Variants in FBLN7 observed in about 807,000 individuals in gnomAD.
FBLN7 encodes the protein fibulin-7.
FBLN7 carries 31 observed loss-of-function variants against 44.0 expected under a neutral mutation model. The observed-to-expected ratio is 0.70, with a 90% confidence interval of 0.53 to 0.95. The LOEUF (loss-of-function observed/expected upper bound fraction) is 0.95, where lower values mean the gene tolerates loss of function less well. Among genes scored for constraint, FBLN7 ranks in the 40% least tolerant of loss-of-function variants. FBLN7 has a pLI of 0.00. For missense variants in FBLN7, 573 were observed against 618.5 expected (o/e 0.93, Z 0.78); for synonymous variants, 262 against 253.4 (o/e 1.03, Z -0.32).
chr2:112,188,753 T>G (rs554273582), downstream of FBLN7: 1 of 152,310 alleles, frequency 6.6e-6, no homozygotes, highest in Non-Finnish European at 1.5e-5. Flanking sequence ...CAAGATGGTT[T>G]CTAAGATGGT....
the FBLN7 span, among the ~76,000 whole-genome samples, chr2:112,236,263 T>C: frequency 6.6e-6 from 1 of 152,036 alleles, no homozygotes; most frequent in Non-Finnish European, 1.5e-5. Context: ...CAAAAAAATA[T>C]ATGTATAACA....
chr2:112,183,615 G>C (rs1332517295), intron 6 of FBLN7, among the ~76,000 whole-genome samples: 1 of 152,164 alleles, frequency 6.6e-6, no homozygotes, highest in Non-Finnish European at 1.5e-5. Flanking sequence ...GCCAACCCCA[G>C]CTAAAAACCA....
chr2:112,143,060 C>T (rs1680731785), intron 1 of FBLN7, among the ~76,000 whole-genome samples: 1 of 152,154 alleles, frequency 6.6e-6, no homozygotes, highest in African/African-American at 2.4e-5. Flanking sequence ...TCTCATCTCT[C>T]TCCTGCTCTC....
chr2:112,212,988 T>TATA, the FBLN7 span: 1 of 115,568 alleles, frequency 8.7e-6, no homozygotes, highest in Non-Finnish European at 1.8e-5. Flanking sequence ...TTTTTTTTTT[T>TATA]ATAAGAGACA....
At chr2:112,197,300 G>GAC in the FBLN7 span, among the ~76,000 whole-genome samples, 19 of 148,818 alleles carry the variant, frequency 1.3e-4, no homozygotes, top group African/African-American at 4.0e-4. Flanking sequence ...GAGAGAGAGA[G>GAC]AGAGAGACAG....
intron 6 of FBLN7, 60 bp from the exon 7 acceptor site, chr2:112,185,141 C>A (rs1304580280): frequency 3.8e-6 from 6 of 1,575,170 alleles, no homozygotes; most frequent in African/African-American, 1.3e-5. Flanking sequence ...TCATGTGGTT[C>A]TGTCTGCAAT....
At chr2:112,224,566 A>C in the FBLN7 span, among the ~76,000 whole-genome samples, 1 of 152,244 alleles carries the variant, frequency 6.6e-6, no homozygotes, top group Admixed American at 6.5e-5. Flanking sequence ...ATGTTCGCTG[A>C]AGCTTTATTT....
chr2:112,187,707 CTT>C lies in FBLN7; in HGVS notation c.*211_*212del, dbSNP rs3215304. 6.1e-4 allele frequency: 299 copies of C among 491,324 alleles called. 1 individual carries two copies. The highest frequency in any genetic ancestry group is 1.3e-3 in the Admixed American group (35 of 26,468). 30.4% of individuals were successfully genotyped at this position (491,324 alleles called of 1,614,324 possible). ...ACAAAACTCAACTGCTGCCATCACTCTTTTTTTTTTTCTGCTTTGAGGCCCTT... is the reference window on the plus strand; with the variant it reads ...ACAAAACTCAACTGCTGCCATCACTCTTTTTTTTTCTGCTTTGAGGCCCTT... On this transcript the variant is annotated 3_prime_UTR_variant, in exon 8 of 8. Transcript: ENST00000331203. The surrounding 1 kb of genome is among the most constrained non-coding windows in gnomAD (Gnocchi z 5.1).
chr2:112,160,804 GCACACACA>G (rs546715298), intron 2 of FBLN7, among the ~76,000 whole-genome samples: 1 of 135,266 alleles, frequency 7.4e-6, no homozygotes, highest in South Asian at 2.4e-4. Context: ...ACACACGCAC[GCACACACA>G]CGCACACACA....
At chr2:112,210,566 G>A in the FBLN7 span, among the ~76,000 whole-genome samples, 5 of 145,388 alleles carry the variant, frequency 3.4e-5, no homozygotes, top group East Asian at 1.1e-3. Context: ...TGAGGCAGGA[G>A]AACTGCTTGA....
chr2:112,240,880 CTTT>C, the FBLN7 span, among the ~76,000 whole-genome samples: 1 of 151,564 alleles, frequency 6.6e-6, no homozygotes, highest in East Asian at 1.9e-4. Context: ...GTCTAAATAA[CTTT>C]TTTTATTCAA....
Position 112,168,652 on chromosome 2 carries a change from AG to A in FBLN7, c.406+3484del, listed in dbSNP as rs377058091. 6.7e-4 allele frequency among the ~76,000 whole-genome samples: 102 copies of A among 152,316 alleles called. 2 individuals carry two copies. In the South Asian group the frequency reaches 0.021, roughly 31 times the overall value. On this transcript the variant is annotated intron_variant, in intron 3 of 7. Coordinates refer to ENST00000331203, the MANE Select transcript of FBLN7 (RefSeq NM_153214.3). ...TTGATGACCAATTGTGACAGTATTAAGGGTGTGGACGGGACACAGGCTGGAA... is the reference window on the plus strand; with the variant it reads ...TTGATGACCAATTGTGACAGTATTAAGGTGTGGACGGGACACAGGCTGGAA...
the FBLN7 span, among the ~76,000 whole-genome samples, chr2:112,227,465 C>T: frequency 0.11 from 16,289 of 152,228 alleles, 1,179 homozygotes; most frequent in Non-Finnish European, 0.15. Flanking sequence ...GCCGCGGTTG[C>T]AGTGAACCGA....
intron 5 of FBLN7, among the ~76,000 whole-genome samples, chr2:112,182,339 G>C (rs1683043967): frequency 6.6e-6 from 1 of 152,142 alleles, no homozygotes; most frequent in Admixed American, 6.5e-5. Context: ...CCCAAACAAC[G>C]CAAAGCAGGA....
the FBLN7 span, among the ~76,000 whole-genome samples, chr2:112,199,553 A>G: frequency 6.6e-6 from 1 of 152,212 alleles, no homozygotes; most frequent in African/African-American, 2.4e-5. Context: ...TCTCTAGTTT[A>G]CAAAATCTCA....
At chr2:112,182,339 G>A (rs1683043967) in intron 5 of FBLN7, among the ~76,000 whole-genome samples, 1 of 152,142 alleles carries the variant, frequency 6.6e-6, no homozygotes, top group Non-Finnish European at 1.5e-5. Context: ...CCCAAACAAC[G>A]CAAAGCAGGA....
the FBLN7 span, among the ~76,000 whole-genome samples, chr2:112,226,589 C>CAAAAAAAAAAAAA: frequency 1.6e-4 from 12 of 74,180 alleles, 1 homozygote; most frequent in Admixed American, 3.1e-4. Context: ...GACTCCATCT[C>CAAAAAAAAAAAAA]AAAAAAAAAA....
chr2:112,160,809 C>T (rs936393341), intron 2 of FBLN7, among the ~76,000 whole-genome samples: 2 of 149,168 alleles, frequency 1.3e-5, no homozygotes, highest in Non-Finnish European at 3.0e-5. Context: ...CGCACGCACA[C>T]ACACGCACAC....
At chr2:112,219,765 T>A in the FBLN7 span, among the ~76,000 whole-genome samples, 1 of 152,160 alleles carries the variant, frequency 6.6e-6, no homozygotes, top group African/African-American at 2.4e-5. Flanking sequence ...TGGAGAGTTC[T>A]GCAGATGTCT....
Sources: gnomAD v4.1 joint callset for allele counts (sites outside exome capture counted in the v4.1 genomes callset) on GRCh38, gnomAD v4.1.1 for gene constraint, Gnocchi (gnomAD v3.1) non-coding constraint, MANE v1.5 for transcripts, NCBI Gene and HGNC (gene_info 2026-07-23, HGNC 2026-07-21) for gene names.